SOX6: variants seen among roughly 807,000 people sequenced by gnomAD.
The protein encoded by SOX6 is transcription factor SOX-6.
Under a neutral mutation model 97.8 loss-of-function variants are expected in SOX6, and 11 were observed. The ratio of observed to expected loss-of-function variants is 0.11; its 90% CI spans 0.07 to 0.19. The LOEUF is 0.19. Ranked by LOEUF, SOX6 falls within the 10% of genes least tolerant of loss-of-function variation. The probability of loss-of-function intolerance (pLI) is 1.00; values close to 1 mark genes in which losing one functional copy is unlikely to be tolerated. For missense variants in SOX6, 810 were observed against 1,039.5 expected, an observed-to-expected ratio of 0.78 and a Z score of 3.04; for synonymous variants, 360 against 371.4, an observed-to-expected ratio of 0.97 and a Z score of 0.35.
At chr11:16,624,155 C>A (rs533989936) in intron 3 of SOX6, among the ~76,000 whole-genome samples, 86 of 137,664 alleles carry the variant, frequency 6.2e-4, no homozygotes, top group East Asian at 6.2e-3. Context: ...TGCTGTCATG[C>A]ATTTCAGTGA....
At chr11:16,504,640 T>G (rs1331799394) in intron 4 of SOX6, among the ~76,000 whole-genome samples, 2 of 152,152 alleles carry the variant, frequency 1.3e-5, no homozygotes, top group Non-Finnish European at 2.9e-5. Flanking sequence ...TTAATATTGT[T>G]AAAATAACAG....
chr11:16,529,944 CA>C (rs1861216513), intron 4 of SOX6, among the ~76,000 whole-genome samples: 1 of 151,864 alleles, frequency 6.6e-6, no homozygotes, highest in Non-Finnish European at 1.5e-5. Context: ...ATAAAATGTA[CA>C]GAAACGCTTA....
At chr11:16,432,596 C>T (rs759211783) in intron 1 of SOX6, among the ~76,000 whole-genome samples, 4 of 151,938 alleles carry the variant, frequency 2.6e-5, no homozygotes, top group Admixed American at 6.6e-5. Flanking sequence ...CTTTTTACTA[C>T]GTTATTTTTC....
rs979879478 is a variant in SOX6, at chr11:15,983,803, C to T, written c.2183+2401G>A. Among the ~76,000 whole-genome samples, 5 of 152,168 alleles carry T rather than the reference C, an allele frequency of 3.3e-5. No homozygotes were observed. In the East Asian group the frequency reaches 9.7e-4, roughly 29 times the overall value. ...TATTCTGCAGTCTAAAATGATCCTT[C>T]CATAAAGGACTGTTCTACACTATTG... is the stretch of plus-strand genomic sequence containing the variant. On this transcript the variant is annotated intron_variant, in intron 15 of 15. Transcript: ENST00000683767.
At chr11:16,441,145 C>T (rs952925247) in intron 1 of SOX6, among the ~76,000 whole-genome samples, 3 of 152,100 alleles carry the variant, frequency 2.0e-5, no homozygotes, top group African/African-American at 7.2e-5. Flanking sequence ...AGAATCTCTC[C>T]TCAGGTACCA....
At chr11:16,050,892 C>A (rs1018178000) in intron 10 of SOX6, among the ~76,000 whole-genome samples, 1 of 152,028 alleles carries the variant, frequency 6.6e-6, no homozygotes, top group South Asian at 2.1e-4. Flanking sequence ...ATAAAATTGT[C>A]GGCAAATGTT....
chr11:16,445,100 T>C (rs1272335292), intron 1 of SOX6, among the ~76,000 whole-genome samples: 1 of 152,228 alleles, frequency 6.6e-6, no homozygotes, highest in Non-Finnish European at 1.5e-5. Context: ...TAGCATTATA[T>C]GATTCTAAGA....
chr11:16,022,331 T>TTCC (rs1855085967), intron 12 of SOX6, among the ~76,000 whole-genome samples: 14 of 113,842 alleles, frequency 1.2e-4, no homozygotes, highest in Middle Eastern at 4.1e-3. Context: ...TCCTTCCTTC[T>TTCC]TTCCTTCCTT....
chr11:16,069,145 G>A (rs1363298718), intron 9 of SOX6, among the ~76,000 whole-genome samples: 2 of 152,138 alleles, frequency 1.3e-5, no homozygotes, highest in African/African-American at 4.8e-5. Context: ...ACCATGTAAT[G>A]CACTGATTTT....
At chr11:16,432,019 A>G (rs997993867) in intron 1 of SOX6, among the ~76,000 whole-genome samples, 1 of 152,110 alleles carries the variant, frequency 6.6e-6, no homozygotes, top group Non-Finnish European at 1.5e-5. Flanking sequence ...GATTTTCCCT[A>G]AAAGTTCCCT....
At chr11:16,570,396 G>GAA (rs11382860) in intron 4 of SOX6, among the ~76,000 whole-genome samples, 25 of 149,476 alleles carry the variant, frequency 1.7e-4, no homozygotes, top group Admixed American at 8.6e-4. Flanking sequence ...GTTTTTCAAT[G>GAA]AAAAAAAAAA....
intron 3 of SOX6, among the ~76,000 whole-genome samples, chr11:16,665,108 T>C (rs561339420): frequency 6.6e-6 from 1 of 151,868 alleles, no homozygotes; most frequent in South Asian, 2.1e-4. Context: ...GCTTCAAGTG[T>C]GACACAGCAA....
At chr11:16,403,022 T>A (rs1397804632) in intron 1 of SOX6, among the ~76,000 whole-genome samples, 1 of 151,548 alleles carries the variant, frequency 6.6e-6, no homozygotes, top group Non-Finnish European at 1.5e-5. Flanking sequence ...ACTGCTCTAA[T>A]CCTCCTTTTT....
intron 4 of SOX6, among the ~76,000 whole-genome samples, chr11:16,514,143 A>G (rs1860924294): frequency 6.7e-6 from 1 of 149,642 alleles, no homozygotes. Flanking sequence ...TTCAGCCCAG[A>G]TGGTCAAGGC....
At chr11:15,991,576 A>T (rs1590113756) in intron 13 of SOX6, among the ~76,000 whole-genome samples, 1 of 152,330 alleles carries the variant, frequency 6.6e-6, no homozygotes, top group Non-Finnish European at 1.5e-5. Flanking sequence ...ATGCAAAAAC[A>T]TTTCAATATT....
chr11:16,197,813 C>CA (rs1851823498), intron 4 of SOX6, among the ~76,000 whole-genome samples: 1 of 152,084 alleles, frequency 6.6e-6, no homozygotes, highest in South Asian at 2.1e-4. Context: ...CAGAAATGAC[C>CA]AAGAGTCTCC....
intron 3 of SOX6, among the ~76,000 whole-genome samples, chr11:16,287,288 T>A (rs1313884656): frequency 0.011 from 699 of 61,454 alleles, 4 homozygotes; most frequent in African/African-American, 0.03. Flanking sequence ...TCTCTCTCTC[T>A]CTCTCTCTCT....
chr11:16,254,145 A>G (rs1328664909), intron 3 of SOX6, among the ~76,000 whole-genome samples: 1 of 152,076 alleles, frequency 6.6e-6, no homozygotes, highest in East Asian at 1.9e-4. Flanking sequence ...TCAAAAGTAA[A>G]GTAGAAATGA....
chr11:16,188,286 A>T (rs1203784946), intron 4 of SOX6, among the ~76,000 whole-genome samples: 2 of 151,774 alleles, frequency 1.3e-5, no homozygotes, highest in South Asian at 2.1e-4. Context: ...AGATTTACTG[A>T]GCTCAATGAT....
Sources: gnomAD v4.1 joint callset for allele counts (sites outside exome capture counted in the v4.1 genomes callset) on GRCh38, gnomAD v4.1.1 for gene constraint, MANE v1.5 for transcripts, NCBI Gene and HGNC (gene_info 2026-07-23, HGNC 2026-07-21) for gene names.